The following CLIP4 variants were observed in gnomAD, a reference collection of about 807,000 sequenced individuals.
The protein encoded by CLIP4 is CAP-Gly domain-containing linker protein 4.
In CLIP4, 47 loss-of-function variants were observed where a neutral mutation model predicts 73.1. That is an observed-to-expected ratio of 0.64 (90% CI 0.51 to 0.82). The LOEUF (loss-of-function observed/expected upper bound fraction) is 0.82, where lower values mean the gene tolerates loss of function less well. Ranked by LOEUF, CLIP4 falls within the 40% of genes least tolerant of loss-of-function variation. The pLI is 0.00. For missense variants in CLIP4, 874 were observed against 852.9 expected, an observed-to-expected ratio of 1.02 and a Z score of -0.31; for synonymous variants, 306 against 295.4, an observed-to-expected ratio of 1.04 and a Z score of -0.37.
At chr2:29,138,600 A>G (rs897359922) in intron 6 of CLIP4, among the ~76,000 whole-genome samples, 2 of 152,078 alleles carry the variant, frequency 1.3e-5, no homozygotes, top group African/African-American at 4.8e-5. Context: ...TGCTTTGGGC[A>G]ATGTGGACAT....
intron 14 of CLIP4, among the ~76,000 whole-genome samples, chr2:29,171,383 T>C (rs947069630): frequency 2.0e-5 from 3 of 152,194 alleles, no homozygotes; most frequent in African/African-American, 7.2e-5. Context: ...TTCATAATAA[T>C]ATATATTTTT....
chr2:29,109,296 A>T (rs1668319762), intron 1 of CLIP4, among the ~76,000 whole-genome samples: 1 of 152,172 alleles, frequency 6.6e-6, no homozygotes, highest in Admixed American at 6.5e-5. Context: ...CCACAGTGGC[A>T]ATTTTCATCC....
chr2:29,128,262 G>A (rs1336325624), intron 2 of CLIP4, among the ~76,000 whole-genome samples: 1 of 149,852 alleles, frequency 6.7e-6, no homozygotes, highest in Non-Finnish European at 1.5e-5. Flanking sequence ...GTTAGTCTAA[G>A]GTCAGAAAAG....
intron 1 of CLIP4, among the ~76,000 whole-genome samples, chr2:29,100,531 C>T (rs1668012271): frequency 6.6e-6 from 1 of 151,724 alleles, no homozygotes; most frequent in African/African-American, 2.4e-5. Flanking sequence ...TACTTTTAGG[C>T]ATGAACAAGA....
intron 1 of CLIP4, among the ~76,000 whole-genome samples, chr2:29,120,308 G>C (rs953452091): frequency 5.9e-5 from 9 of 152,116 alleles, no homozygotes; most frequent in African/African-American, 1.9e-4. Flanking sequence ...CCAGTATTAA[G>C]AAAACATGAA....
rs368979072 is a variant in CLIP4, at chr2:29,168,908, T to C, written c.1723+1368T>C. Among the ~76,000 whole-genome samples, 4 of 152,164 alleles carry C rather than the reference T, an allele frequency of 2.6e-5. No individual in the cohort carries two copies. In the East Asian group the frequency reaches 7.7e-4, roughly 29 times the overall value. On this transcript the variant is annotated intron_variant, in intron 14 of 15. Coordinates refer to ENST00000320081, the MANE Select transcript of CLIP4 (RefSeq NM_024692.6). ...TTGTTTTCTAAAAGATTTATATTTT[T>C]GTGTTTCCCATGTGTCAGTTTACTC... is the stretch of plus-strand genomic sequence containing the variant.
chr2:29,174,575 T>C (rs1483059966), intron 15 of CLIP4, 130 bp downstream of exon 15: 5 of 1,424,234 alleles, frequency 3.5e-6, no homozygotes, highest in Non-Finnish European at 2.7e-6. Context: ...AGAAAAGGTG[T>C]GATAAGTGTA....
At position 29,148,330 on chromosome 2, in the gene CLIP4, CT is replaced by C. The variant is rs1666310957; in HGVS notation, c.1021+2967del. Among the ~76,000 whole-genome samples the C allele has an allele frequency of 2.0e-5, 3 of 152,078 alleles. No homozygotes were observed. In the South Asian group the frequency reaches 6.2e-4, roughly 32 times the overall value. Reference sequence around the variant, plus strand: ...CTTTTCCCTTTGGCTTGTTGTGCTGCTTTTATTATAGATTAAGTTCTTATCA... The same window carrying C: ...CTTTTCCCTTTGGCTTGTTGTGCTGCTTTATTATAGATTAAGTTCTTATCA... On this transcript the variant is annotated intron_variant, in intron 8 of 15. Transcript: ENST00000320081.
chr2:29,152,223 G>A lies in CLIP4; in HGVS notation c.1022-462G>A, dbSNP rs1666619536. The stretch of plus-strand genomic sequence containing the variant: ...AATATAACTTCCAAAGGAGTTGTAA[G>A]TTGGCATGGAAGAATAGATTTTTAT... On this transcript the variant is annotated intron_variant, in intron 8 of 15. Coordinates refer to ENST00000320081, the MANE Select transcript of CLIP4 (RefSeq NM_024692.6). 2.0e-5 allele frequency among the ~76,000 whole-genome samples: 3 copies of A among 152,162 alleles called. No individual in the cohort carries two copies. In the South Asian group the frequency reaches 6.2e-4, roughly 31 times the overall value.
At chr2:29,134,473 T>G (rs932280026) in intron 5 of CLIP4, among the ~76,000 whole-genome samples, 8 of 152,214 alleles carry the variant, frequency 5.3e-5, no homozygotes, top group Admixed American at 3.9e-4. Flanking sequence ...TAGATAAATT[T>G]CCCAGAATGT....
In CLIP4 at chr2:29,181,589, G is replaced by A. The variant is rs144844447; in HGVS notation, c.1814G>A (p.Arg605His). Reference sequence around the variant, plus strand: ...CCGCACAGATCGAAAGCTGCTTTGCGTCGCAGTTGGAGCAGCACCCCCACC... The same window carrying A: ...CCGCACAGATCGAAAGCTGCTTTGCATCGCAGTTGGAGCAGCACCCCCACC... ...NAFSKSKAAL[R>H]RSWSSTPTAG... Residue 605 changes from arginine (R) to histidine (H), a missense_variant, in exon 16 of 16, where the codon CGT becomes CAT. By Grantham distance (29) the Arg-to-His change is conservative. Coordinates refer to ENST00000320081, the MANE Select transcript of CLIP4 (RefSeq NM_024692.6). 1,067 of 1,607,268 alleles carry A rather than the reference G, an allele frequency of 6.6e-4. 5 individuals carry two copies. In the African/African-American group the frequency reaches 0.011, roughly 17 times the overall value.
intron 1 of CLIP4, among the ~76,000 whole-genome samples, chr2:29,101,289 C>G (rs1373006327): frequency 1.4e-5 from 2 of 147,572 alleles, no homozygotes; most frequent in South Asian, 2.2e-4. Context: ...TTTTTTTTCC[C>G]CCCCCCAAAA....
intron 6 of CLIP4, among the ~76,000 whole-genome samples, chr2:29,136,444 C>T (rs1665367413): frequency 6.6e-6 from 1 of 152,060 alleles, no homozygotes; most frequent in African/African-American, 2.4e-5. Context: ...CTCTTCCTCC[C>T]TCCCTCCCTT....
intron 1 of CLIP4, among the ~76,000 whole-genome samples, chr2:29,100,277 C>A (rs1474200961): frequency 1.3e-5 from 2 of 151,952 alleles, no homozygotes; most frequent in African/African-American, 4.8e-5. Context: ...CCCTCTTTGC[C>A]TTTTTCTTTC....
chr2:29,166,103 G>A (rs1667597428), intron 13 of CLIP4, among the ~76,000 whole-genome samples: 1 of 152,002 alleles, frequency 6.6e-6, no homozygotes, highest in African/African-American at 2.4e-5. Context: ...CTTATGCTGT[G>A]CTAGGCATTC....
At chr2:29,122,693 G>T (rs1396448952) in intron 2 of CLIP4, among the ~76,000 whole-genome samples, 1 of 152,008 alleles carries the variant, frequency 6.6e-6, no homozygotes, top group Non-Finnish European at 1.5e-5. Flanking sequence ...CAGGCATGGT[G>T]GTGTGCGCCT....
intron 1 of CLIP4, among the ~76,000 whole-genome samples, chr2:29,117,321 C>T: frequency 6.6e-6 from 1 of 151,556 alleles, no homozygotes; most frequent in Admixed American, 6.6e-5. Flanking sequence ...TTTTCCTTTT[C>T]TCTCTCTCTT....
At chr2:29,156,994 G>A (rs1666968065) in intron 10 of CLIP4, among the ~76,000 whole-genome samples, 1 of 152,028 alleles carries the variant, frequency 6.6e-6, no homozygotes, top group Non-Finnish European at 1.5e-5. Flanking sequence ...CTTACCGTGG[G>A]AATCCTTAAA....
Position 29,133,802 on chromosome 2 carries a change from C to T in CLIP4, c.515C>T (p.Thr172Ile), listed in dbSNP as rs775668364. 3.7e-6 allele frequency: 6 copies of T among 1,605,650 alleles called. No individual in the cohort carries two copies. Among genetic ancestry groups the T allele is most frequent in the Non-Finnish European group, 3.4e-6 (4 of 1,177,376 alleles). The change falls in exon 5 of 16, where the codon ACA becomes ATA. Residue 172 changes from threonine (T) to isoleucine (I), a missense_variant. Physicochemically the swap from Thr to Ile is moderately conservative, Grantham distance 89. Coordinates refer to ENST00000320081, the MANE Select transcript of CLIP4 (RefSeq NM_024692.6). ...VPELIRVILK[T>I]SKPKDVDATC... Reference sequence around the variant, plus strand: ...GAACTTATAAGAGTGATTTTGAAAACATCGAAACCAAAAGGCAAGTATTAT... The same window carrying T: ...GAACTTATAAGAGTGATTTTGAAAATATCGAAACCAAAAGGCAAGTATTAT...
Sources: gnomAD v4.1 joint callset for allele counts (sites outside exome capture counted in the v4.1 genomes callset) on GRCh38, gnomAD v4.1.1 for gene constraint, MANE v1.5 for transcripts, NCBI Gene and HGNC (gene_info 2026-07-23, HGNC 2026-07-21) for gene names.